The following HSD17B3 variants were observed in gnomAD, a reference collection of about 807,000 sequenced individuals.
HSD17B3 encodes hydroxysteroid 17-beta dehydrogenase 3.
In HSD17B3, 29 loss-of-function variants were observed where a neutral mutation model predicts 41.1. The observed-to-expected ratio is 0.71, with a 90% CI of 0.53 to 0.96. The LOEUF is 0.96. HSD17B3 is among the 40% of genes least tolerant of loss of function. The probability of loss-of-function intolerance (pLI) is 0.00; values close to 1 mark genes in which losing one functional copy is unlikely to be tolerated. For synonymous variants in HSD17B3, 126 were observed against 145.6 expected, an observed-to-expected ratio of 0.87 and a Z score of 0.97; for missense variants, 323 against 374.6, an observed-to-expected ratio of 0.86 and a Z score of 1.14.
chr9:96,298,526 C>T (rs969665135), intron 1 of HSD17B3, 64 bp from the exon 2 acceptor site: 3 of 1,414,700 alleles, frequency 2.1e-6, no homozygotes, highest in Non-Finnish European at 3.0e-6. Context: ...TTCTCACTGG[C>T]CACGTTTTCT....
chr9:96,292,499 C>G (rs1268171587), intron 2 of HSD17B3, among the ~76,000 whole-genome samples: 1 of 152,174 alleles, frequency 6.6e-6, no homozygotes, highest in African/African-American at 2.4e-5. Flanking sequence ...AGGTGCCCAC[C>G]ATCATGCCCA....
chr9:96,250,581 G>T, intron 5 of HSD17B3: 1 of 631,462 alleles, frequency 1.6e-6, no homozygotes, highest in Non-Finnish European at 2.0e-6. Context: ...TCAACAAATT[G>T]TGCCTTCAAA....
At chr9:96,242,609 T>C (rs921425109) in intron 9 of HSD17B3, among the ~76,000 whole-genome samples, 5 of 152,144 alleles carry the variant, frequency 3.3e-5, no homozygotes, top group Admixed American at 6.5e-5. Flanking sequence ...GAGAGGCCAA[T>C]TGGTTTTTGA....
intron 9 of HSD17B3, 54 bp downstream of exon 9, chr9:96,244,275 C>T (rs1236596456): frequency 2.5e-6 from 4 of 1,579,684 alleles, no homozygotes; most frequent in Non-Finnish European, 2.6e-6. Context: ...CAAGGACTCA[C>T]AGCCGCCCAC....
intron 9 of HSD17B3, among the ~76,000 whole-genome samples, chr9:96,241,777 A>G (rs1034910981): frequency 2.6e-5 from 4 of 152,064 alleles, no homozygotes; most frequent in Non-Finnish European, 5.9e-5. Flanking sequence ...TCCATTAAAA[A>G]TAGAAAAATT....
Position 96,252,530 on chromosome 9 carries a change from G to A in HSD17B3, c.385+273C>T, listed in dbSNP as rs141882769. ...TGCACTCCAGCCTGGGTGACAGAGC[G>A]AGACTGCATCTCAAAAAAAAAAAAA... On this transcript the variant is annotated intron_variant, in intron 4 of 10. Coordinates refer to ENST00000375263, the MANE Select transcript of HSD17B3 (RefSeq NM_000197.2). Among the ~76,000 whole-genome samples, 273 of 147,398 alleles carry A rather than the reference G, an allele frequency of 1.9e-3. 7 individuals carry two copies. The East Asian group carries it at 0.049, about 27-fold the overall frequency.
chr9:96,239,056 A>T (rs1294706173), intron 10 of HSD17B3, among the ~76,000 whole-genome samples: 1 of 152,254 alleles, frequency 6.6e-6, no homozygotes, highest in Non-Finnish European at 1.5e-5. Flanking sequence ...GGCAGAGTAC[A>T]GCAGTCTGCT....
intron 6 of HSD17B3, among the ~76,000 whole-genome samples, chr9:96,248,175 A>G (rs1426179802): frequency 6.6e-6 from 1 of 152,222 alleles, no homozygotes; most frequent in African/African-American, 2.4e-5. Context: ...TGCAGATGAC[A>G]GTTAGACATA....
At chr9:96,274,799 G>A (rs766460803) in intron 2 of HSD17B3, among the ~76,000 whole-genome samples, 18 of 152,102 alleles carry the variant, frequency 1.2e-4, no homozygotes, top group Non-Finnish European at 2.6e-4. Flanking sequence ...GTATTCCAAA[G>A]AGAACAGAGA....
At chr9:96,236,865 A>G (rs1349740837) in intron 10 of HSD17B3, among the ~76,000 whole-genome samples, 1 of 152,110 alleles carries the variant, frequency 6.6e-6, no homozygotes, top group Non-Finnish European at 1.5e-5. Context: ...TATTAATCCA[A>G]CATGCCTCAA....
chr9:96,288,931 C>T (rs10820245), intron 2 of HSD17B3, among the ~76,000 whole-genome samples: 67,213 of 135,082 alleles, frequency 0.5, 16,109 homozygotes, highest in Admixed American at 0.58. Flanking sequence ...AGCAAGACTC[C>T]GTCTCAAAAA....
chr9:96,250,867 G>A lies in HSD17B3; in HGVS notation c.453+551C>T, dbSNP rs141428351. Among the ~76,000 whole-genome samples the A allele has an allele frequency of 1.4e-4, 21 of 145,406 alleles. No homozygotes were observed. The East Asian group carries it at 3.5e-3, about 25-fold the overall frequency. ...CATGTTACCGCACACCAGCCTGGGC[G>A]ACAGAGGGAGACTCCATCTCAAAAA... On this transcript the variant is annotated intron_variant, in intron 5 of 10. Transcript: ENST00000375263.
chr9:96,282,230 CTCTG>C (rs1464430106), intron 2 of HSD17B3, among the ~76,000 whole-genome samples: 1 of 152,026 alleles, frequency 6.6e-6, no homozygotes, highest in South Asian at 2.1e-4. Flanking sequence ...GTCCTTTATT[CTCTG>C]TCTGTGTATT....
At chr9:96,246,792 CA>C (rs1836683704) in intron 6 of HSD17B3, among the ~76,000 whole-genome samples, 1 of 152,192 alleles carries the variant, frequency 6.6e-6, no homozygotes, top group Non-Finnish European at 1.5e-5. Flanking sequence ...CCAACCTAGA[CA>C]AATGACAGGC....
intron 8 of HSD17B3, among the ~76,000 whole-genome samples, chr9:96,244,803 A>G (rs1836594652): frequency 6.6e-6 from 1 of 152,192 alleles, no homozygotes; most frequent in Non-Finnish European, 1.5e-5. Context: ...GTACGCCTTA[A>G]TAAAGCTGGA....
intron 2 of HSD17B3, among the ~76,000 whole-genome samples, chr9:96,278,393 A>G (rs752645518): frequency 6.6e-6 from 1 of 152,244 alleles, no homozygotes; most frequent in Non-Finnish European, 1.5e-5. Context: ...ACTTAAATAT[A>G]TACAATTTTT....
At chr9:96,295,046 C>T (rs927553106) in intron 2 of HSD17B3, among the ~76,000 whole-genome samples, 68 of 135,310 alleles carry the variant, frequency 5.0e-4, no homozygotes, top group Non-Finnish European at 8.8e-4. Context: ...CTCGCTCTGT[C>T]GCCAGGCTGG....
intron 2 of HSD17B3, among the ~76,000 whole-genome samples, chr9:96,293,841 CATCCTATTTA>C (rs976929423): frequency 1.3e-5 from 2 of 152,230 alleles, no homozygotes; most frequent in African/African-American, 4.8e-5. Flanking sequence ...TTGCCTGTCT[CATCCTATTTA>C]ACCCTTACAA....
At chr9:96,291,946 G>A (rs536119969) in intron 2 of HSD17B3, among the ~76,000 whole-genome samples, 34 of 151,092 alleles carry the variant, frequency 2.3e-4, no homozygotes, top group Non-Finnish European at 3.5e-4. Context: ...GACAGAGTGA[G>A]ACACCATCTC....
Sources: allele counts gnomAD v4.1 joint callset (sites outside exome capture counted in the v4.1 genomes callset), GRCh38; gene constraint gnomAD v4.1.1; transcripts MANE v1.5; gene names NCBI Gene and HGNC (gene_info 2026-07-23, HGNC 2026-07-21).